CDH13: variants seen among roughly 807,000 people sequenced by gnomAD.
CDH13 encodes the protein cadherin-13.
In CDH13, 24 loss-of-function variants were observed where a neutral mutation model predicts 63.8. The observed-to-expected ratio is 0.38, with a 90% CI of 0.27 to 0.53. The LOEUF (loss-of-function observed/expected upper bound fraction) is 0.53, where lower values mean the gene tolerates loss of function less well. CDH13 is among the 20% of genes least tolerant of loss of function. CDH13 has a pLI of 0.85. For synonymous variants in CDH13, 503 were observed against 355.3 expected (o/e 1.42, Z -4.67); for missense variants, 1,049 against 903.1 (o/e 1.16, Z -2.07).
chr16:82,983,300 T>C (rs2151389154), intron 2 of CDH13, among the ~76,000 whole-genome samples: 1 of 152,294 alleles, frequency 6.6e-6, no homozygotes, highest in East Asian at 1.9e-4. Flanking sequence ...GTTTGATAGC[T>C]CTCCCCGCTC....
intron 1 of CDH13, among the ~76,000 whole-genome samples, chr16:82,795,288 G>C (rs2036526940): frequency 6.6e-6 from 1 of 152,196 alleles, no homozygotes. Context: ...AGGGTGCTGA[G>C]TAAACTCAGC....
chr16:83,178,651 G>A (rs950030980), intron 4 of CDH13, among the ~76,000 whole-genome samples: 1 of 152,142 alleles, frequency 6.6e-6, no homozygotes, highest in Non-Finnish European at 1.5e-5. Context: ...TAAATGGAGT[G>A]TGTAATTTTT....
At chr16:83,390,434 A>G (rs775941372) in intron 6 of CDH13, among the ~76,000 whole-genome samples, 1 of 149,676 alleles carries the variant, frequency 6.7e-6, no homozygotes, top group African/African-American at 2.5e-5. Context: ...TGGACACAGT[A>G]TCCCATTTCT....
At chr16:82,889,354 C>G (rs943480911) in intron 2 of CDH13, among the ~76,000 whole-genome samples, 2 of 151,954 alleles carry the variant, frequency 1.3e-5, no homozygotes, top group East Asian at 1.9e-4. Context: ...ACCAACCAAC[C>G]TATCTAAAAT....
chr16:82,701,357 A>G (rs1735811993), intron 1 of CDH13, among the ~76,000 whole-genome samples: 2 of 152,022 alleles, frequency 1.3e-5, no homozygotes, highest in Admixed American at 6.5e-5. Flanking sequence ...TTTGACTTCC[A>G]TCCTGATTAC....
rs143868886 is a variant in CDH13 at position 82,981,384 on chromosome 16, C to T, written c.158-50626C>T. 9.5e-4 allele frequency among the ~76,000 whole-genome samples: 145 copies of T among 152,204 alleles called. 2 individuals carry two copies. Among genetic ancestry groups the T allele is most frequent in the Middle Eastern group, 3.4e-3 (1 of 294 alleles). ...TCACCATGAATCTCCAGTCTTGAAG[C>T]CCTCTCCTTGACCCCCTCCTTGGAG... On this transcript the variant is annotated intron_variant, in intron 2 of 13. Transcript: ENST00000567109.
intron 5 of CDH13, among the ~76,000 whole-genome samples, chr16:83,283,087 A>G (rs1365562954): frequency 6.6e-6 from 1 of 152,194 alleles, no homozygotes; most frequent in Non-Finnish European, 1.5e-5. Flanking sequence ...GGGCTGCTCA[A>G]TAAATGTTGG....
At chr16:83,094,050 T>G (rs756544447) in intron 3 of CDH13, among the ~76,000 whole-genome samples, 1 of 152,218 alleles carries the variant, frequency 6.6e-6, no homozygotes, top group Non-Finnish European at 1.5e-5. Context: ...GACCCATTTT[T>G]AAGAGCAGGG....
chr16:83,506,961 C>T (rs997237774), intron 7 of CDH13, among the ~76,000 whole-genome samples: 1 of 152,230 alleles, frequency 6.6e-6, no homozygotes, highest in East Asian at 1.9e-4. Context: ...TCCATATCTC[C>T]AAGCCACAAA....
At chr16:83,378,476 T>C (rs933052052) in intron 6 of CDH13, among the ~76,000 whole-genome samples, 11 of 152,172 alleles carry the variant, frequency 7.2e-5, no homozygotes, top group Non-Finnish European at 1.5e-4. Context: ...GTGACTGTTA[T>C]TTTGTCTCAT....
intron 6 of CDH13, among the ~76,000 whole-genome samples, chr16:83,473,043 G>T (rs2073500323): frequency 6.6e-6 from 1 of 152,158 alleles, no homozygotes; most frequent in Admixed American, 6.5e-5. Context: ...ACCCCAGTCT[G>T]TGAGCCCAGA....
At chr16:83,139,127 C>G (rs2151671592) in intron 4 of CDH13, among the ~76,000 whole-genome samples, 1 of 152,222 alleles carries the variant, frequency 6.6e-6, no homozygotes. Context: ...AGAACTCTTC[C>G]CAGAGGTGAC....
At chr16:83,600,203 C>A (rs926615688) in intron 7 of CDH13, among the ~76,000 whole-genome samples, 1 of 152,208 alleles carries the variant, frequency 6.6e-6, no homozygotes, top group East Asian at 1.9e-4. Flanking sequence ...CCAGCCAGAA[C>A]TGGAACTGGG....
At chr16:83,238,356 C>G (rs1172919861) in intron 5 of CDH13, among the ~76,000 whole-genome samples, 1 of 152,146 alleles carries the variant, frequency 6.6e-6, no homozygotes, top group Non-Finnish European at 1.5e-5. Flanking sequence ...GGGAACTGCC[C>G]TTTATAAAAC....
intron 2 of CDH13, among the ~76,000 whole-genome samples, chr16:82,969,940 T>C (rs1420423447): frequency 7.3e-6 from 1 of 136,118 alleles, no homozygotes; most frequent in East Asian, 2.0e-4. Context: ...AGTATTTCTC[T>C]TTTTTTTTTT....
intron 4 of CDH13, among the ~76,000 whole-genome samples, chr16:83,211,652 C>T (rs1483184813): frequency 6.6e-6 from 1 of 152,134 alleles, no homozygotes; most frequent in Admixed American, 6.6e-5. Flanking sequence ...ACCGTGAGAA[C>T]ACCCTTAAAA....
intron 3 of CDH13, among the ~76,000 whole-genome samples, chr16:83,101,815 G>A (rs2034492361): frequency 6.6e-6 from 1 of 152,110 alleles, no homozygotes; most frequent in African/African-American, 2.4e-5. Context: ...AGTGGGTAGA[G>A]TGGCCAGGAC....
intron 3 of CDH13, among the ~76,000 whole-genome samples, chr16:83,078,450 T>C (rs72796255): frequency 0.12 from 18,779 of 152,212 alleles, 1,402 homozygotes; most frequent in Non-Finnish European, 0.17. Context: ...AGGATCACAA[T>C]TGGGTTTGTA....
At chr16:82,852,290 A>C (rs1253318333) in intron 1 of CDH13, among the ~76,000 whole-genome samples, 2 of 152,224 alleles carry the variant, frequency 1.3e-5, no homozygotes, top group African/African-American at 2.4e-5. Context: ...GTGTACAATC[A>C]GCTGCTGCAA....
Sources: allele counts gnomAD v4.1 joint callset (sites outside exome capture counted in the v4.1 genomes callset), GRCh38; gene constraint gnomAD v4.1.1; transcripts MANE v1.5; gene names NCBI Gene and HGNC (gene_info 2026-07-23, HGNC 2026-07-21).